Variants in HOOK1 observed in about 807,000 individuals in gnomAD.
The protein encoded by HOOK1 is protein Hook homolog 1.
A neutral mutation model predicts 112.8 loss-of-function variants in HOOK1; 60 were observed. That is an observed-to-expected ratio of 0.53 (90% CI 0.43 to 0.66). The LOEUF (loss-of-function observed/expected upper bound fraction) is 0.66, where lower values mean the gene tolerates loss of function less well. Ranked by LOEUF, HOOK1 falls within the 30% of genes least tolerant of loss-of-function variation. The probability of loss-of-function intolerance (pLI) is 0.00; values close to 1 mark genes in which losing one functional copy is unlikely to be tolerated. For synonymous variants in HOOK1, 294 were observed against 283.8 expected (o/e 1.04, Z -0.36); for missense variants, 770 against 856.0 (o/e 0.90, Z 1.25).
At chr1:59,855,879 T>C (rs1389141105) in intron 12 of HOOK1, among the ~76,000 whole-genome samples, 1 of 146,276 alleles carries the variant, frequency 6.8e-6, no homozygotes, top group Non-Finnish European at 1.5e-5. Flanking sequence ...CATCAAGCAG[T>C]CTTCTTGCCT....
chr1:59,850,546 G>A (rs559046859), intron 12 of HOOK1, among the ~76,000 whole-genome samples: 1 of 151,564 alleles, frequency 6.6e-6, no homozygotes, highest in East Asian at 1.9e-4. Context: ...TATGGTGTGA[G>A]GTAGGCATCT....
chr1:59,845,033 C>G (rs1437173738), intron 9 of HOOK1, among the ~76,000 whole-genome samples: 1 of 151,924 alleles, frequency 6.6e-6, no homozygotes, highest in Non-Finnish European at 1.5e-5. Flanking sequence ...GCTGCTTTAA[C>G]AAAATACCTT....
intron 2 of HOOK1, among the ~76,000 whole-genome samples, chr1:59,826,830 T>C (rs1274460052): frequency 6.6e-6 from 1 of 152,232 alleles, no homozygotes; most frequent in Admixed American, 6.5e-5. Context: ...AGGCACAATC[T>C]TGGCTCACTG....
chr1:59,823,258 C>T (rs1038656737), intron 2 of HOOK1, among the ~76,000 whole-genome samples: 77 of 152,224 alleles, frequency 5.1e-4, no homozygotes, highest in Admixed American at 9.2e-4. Flanking sequence ...AGGCGGAGCT[C>T]ACAGTGAGCC....
intron 13 of HOOK1, among the ~76,000 whole-genome samples, 178 bp from the exon 14 acceptor site, chr1:59,858,802 AGGAAG>A (rs1327229794): frequency 7.7e-6 from 1 of 129,866 alleles, no homozygotes; most frequent in Admixed American, 8.2e-5. Context: ...AGGGAGGGAA[AGGAAG>A]GAAAGGAAAG....
At chr1:59,871,002 A>G in intron 20 of HOOK1, 40 bp from the exon 21 acceptor site, 1 of 1,276,462 alleles carries the variant, frequency 7.8e-7, no homozygotes, top group Non-Finnish European at 1.1e-6. Context: ...AATTTGGGGT[A>G]ATTTCTGGGA....
At chr1:59,843,657 A>G in intron 9 of HOOK1, 59 bp downstream of exon 9, 1 of 1,363,452 alleles carries the variant, frequency 7.3e-7, no homozygotes, top group Non-Finnish European at 1.0e-6. Context: ...AGTAGCAAAA[A>G]GTCACAGTAT....
intron 2 of HOOK1, among the ~76,000 whole-genome samples, chr1:59,826,485 A>C (rs2098390031): frequency 6.6e-6 from 1 of 152,208 alleles, no homozygotes; most frequent in Non-Finnish European, 1.5e-5. Context: ...CTAAGTTAGA[A>C]AGTATTTCTC....
chr1:59,832,142 C>A (rs181858725), intron 3 of HOOK1, 21 bp from the exon 4 acceptor site: 318 of 1,323,156 alleles, frequency 2.4e-4, no homozygotes, highest in Non-Finnish European at 3.2e-4. Flanking sequence ...AAATAAGAAT[C>A]TCTTATTTTT....
rs2098409337 is a variant in HOOK1 at position 59,854,230 on chromosome 1, TTA to T, written c.1243-4197_1243-4196del. ...CCATGCCTGACTAATTTTTGTACTT[TTA>T]ATAGAGACGGGGTTTCACCATGTTG... On this transcript the variant is annotated intron_variant, in intron 12 of 21. Transcript: ENST00000371208. Among the ~76,000 whole-genome samples, 8 of 150,816 alleles carry T rather than the reference TTA, an allele frequency of 5.3e-5. 1 individual carries two copies. The South Asian group carries it at 1.7e-3, about 32-fold the overall frequency.
intron 1 of HOOK1, among the ~76,000 whole-genome samples, chr1:59,815,845 A>G (rs1209779840): frequency 2.0e-5 from 3 of 151,948 alleles, no homozygotes; most frequent in Non-Finnish European, 2.9e-5. Flanking sequence ...CATTTTCTTT[A>G]AAGAAAATGA....
At chr1:59,831,326 C>A (rs759419739) in intron 3 of HOOK1, among the ~76,000 whole-genome samples, 4 of 152,186 alleles carry the variant, frequency 2.6e-5, no homozygotes, top group South Asian at 2.1e-4. Context: ...TAAGCTGTGA[C>A]CTTTTTGGGG....
intron 16 of HOOK1, chr1:59,863,794 T>C (rs202128466): frequency 0.011 from 1 of 94 alleles, no homozygotes; most frequent in Non-Finnish European, 0.011. Context: ...TATTATTTTC[T>C]TTTTTTTTTC....
rs56170541 is a variant in HOOK1, at chr1:59,846,527, T to TTTCC, written c.789-460_789-457dup. Among the ~76,000 whole-genome samples, 105 of 87,330 alleles carry TTTCC rather than the reference T, an allele frequency of 1.2e-3. 2 individuals carry two copies. The highest frequency in any genetic ancestry group is 2.0e-3 in the Non-Finnish European group (87 of 43,158). The allele number at this position is 87,330 out of a possible 152,430, so 57.3% of individuals were successfully genotyped here. A position where few individuals can be genotyped will look rare whatever the true frequency, so the allele number is the denominator to read the frequency against. ...TCCCTCCCTTTCTTCCTTCCTTCCT[T>TTTCC]TTCCTTCCTTCCTTCCTTCCTTCCT... On this transcript the variant is annotated intron_variant, in intron 9 of 21. Coordinates refer to ENST00000371208, the MANE Select transcript of HOOK1 (RefSeq NM_015888.6).
chr1:59,874,999 C>T lies in HOOK1; in HGVS notation c.*2034C>T, dbSNP rs1644110752. 6.6e-6 allele frequency: 1 copy of T among 152,464 alleles called. No individual in the cohort carries two copies. 9.4% of individuals were successfully genotyped at this position (152,464 alleles called of 1,614,324 possible). On this transcript the variant is annotated 3_prime_UTR_variant, in exon 22 of 22. Coordinates refer to ENST00000371208, the MANE Select transcript of HOOK1 (RefSeq NM_015888.6). ...CATATATTCTTGTAGTGTCTGCTTGCCTGTGACTTCTGGTAAAATAAAATA... is the reference window on the plus strand; with the variant it reads ...CATATATTCTTGTAGTGTCTGCTTGTCTGTGACTTCTGGTAAAATAAAATA...
chr1:59,865,487 A>G (rs983460509), intron 18 of HOOK1, among the ~76,000 whole-genome samples: 3 of 152,142 alleles, frequency 2.0e-5, no homozygotes, highest in Non-Finnish European at 2.9e-5. Context: ...AAATAAGATT[A>G]ATCTGGAAAT....
At chr1:59,854,720 G>A (rs1043782573) in intron 12 of HOOK1, among the ~76,000 whole-genome samples, 1 of 151,934 alleles carries the variant, frequency 6.6e-6, no homozygotes, top group Non-Finnish European at 1.5e-5. Context: ...CAAGATTTTC[G>A]CTTTGCCCTT....
chr1:59,840,752 C>T (rs982937971), intron 8 of HOOK1, among the ~76,000 whole-genome samples: 1 of 151,926 alleles, frequency 6.6e-6, no homozygotes, highest in African/African-American at 2.4e-5. Flanking sequence ...TTAAGTGGTA[C>T]CTGACACTTC....
rs934436734 is a variant in HOOK1, at chr1:59,829,537, A to T, written c.222+685A>T. 5.9e-5 allele frequency among the ~76,000 whole-genome samples: 9 copies of T among 152,122 alleles called. No homozygotes were observed. In the East Asian group the frequency reaches 7.7e-4, roughly 13 times the overall value. On this transcript the variant is annotated intron_variant, in intron 3 of 21. Transcript: ENST00000371208. ...TTGTAGGACATTTGTTTCATACAGG[A>T]TGTATGATTTGTTGATACACAGTCC...
Sources: allele counts gnomAD v4.1 joint callset (sites outside exome capture counted in the v4.1 genomes callset), GRCh38; gene constraint gnomAD v4.1.1; transcripts MANE v1.5; gene names NCBI Gene and HGNC (gene_info 2026-07-23, HGNC 2026-07-21).